Variants in DIAPH3 observed in about 807,000 individuals in gnomAD.
The protein encoded by DIAPH3 is protein diaphanous homolog 3.
In DIAPH3, 117 loss-of-function variants were observed where a neutral mutation model predicts 144.3. That is an observed-to-expected ratio of 0.81 (90% CI 0.70 to 0.95). The LOEUF (loss-of-function observed/expected upper bound fraction) is 0.95, where lower values mean the gene tolerates loss of function less well. Among genes scored for constraint, DIAPH3 ranks in the 40% least tolerant of loss-of-function variants. The pLI, the probability that DIAPH3 is intolerant of heterozygous loss-of-function variation, is 0.00. For missense variants in DIAPH3, 1,421 were observed against 1,412.7 expected (o/e 1.01, Z -0.09); for synonymous variants, 519 against 488.9 (o/e 1.06, Z -0.81).
At chr13:59,777,866 G>A (rs571775357) in intron 25 of DIAPH3, among the ~76,000 whole-genome samples, 6 of 152,226 alleles carry the variant, frequency 3.9e-5, no homozygotes, top group Admixed American at 6.5e-5. Flanking sequence ...AAAGAGGAAC[G>A]ACAATGAAGT....
intron 5 of DIAPH3, chr13:60,034,620 G>A (rs1296660368): frequency 6.6e-6 from 1 of 152,174 alleles, no homozygotes; most frequent in Non-Finnish European, 1.5e-5. Context: ...CCGTGCTCAG[G>A]AGGTCACCAT....
At position 59,936,577 on chromosome 13, in the gene DIAPH3, A is replaced by C. The variant is rs2048273343; in HGVS notation, c.2075-11707T>G. On this transcript the variant is annotated intron_variant, in intron 17 of 27. Coordinates refer to ENST00000400324, the MANE Select transcript of DIAPH3 (RefSeq NM_001042517.2). ...ATCTATCACATATATCTTAGTGTTAACTGGGTTCATTACAATTTGAGATGA... is the reference window on the plus strand; with the variant it reads ...ATCTATCACATATATCTTAGTGTTACCTGGGTTCATTACAATTTGAGATGA... Among the ~76,000 whole-genome samples the C allele has an allele frequency of 3.9e-5, 6 of 152,204 alleles. No homozygotes were observed. In the South Asian group the frequency reaches 1.2e-3, roughly 31 times the overall value.
At chr13:60,103,000 CAA>C (rs2058315822) in intron 3 of DIAPH3, among the ~76,000 whole-genome samples, 1 of 152,038 alleles carries the variant, frequency 6.6e-6, no homozygotes, top group Non-Finnish European at 1.5e-5. Flanking sequence ...AAGATATTCC[CAA>C]AGAGTCTTCC....
chr13:59,947,280 C>A (rs2048848455), intron 17 of DIAPH3, among the ~76,000 whole-genome samples: 1 of 152,230 alleles, frequency 6.6e-6, no homozygotes, highest in Non-Finnish European at 1.5e-5. Flanking sequence ...GTAAAAGAGT[C>A]ACATGTTCGT....
rs566092450 is a variant in DIAPH3, at chr13:59,774,834, A to G, written c.3164-11T>C. ...CTGTCTCATCACCCTCTGTGAAAAG[A>G]GATGCAGGGAATTCCATCAGCCCTC... On this transcript the variant is annotated splice_polypyrimidine_tract_variant and intron_variant, in intron 25 of 27. Coordinates refer to ENST00000400324, the MANE Select transcript of DIAPH3 (RefSeq NM_001042517.2). 7.8e-5 allele frequency: 126 copies of G among 1,609,796 alleles called. 2 individuals are homozygous for G. In the South Asian group the frequency reaches 1.4e-3, roughly 17 times the overall value.
chr13:59,697,182 G>A (rs577347261), intron 27 of DIAPH3, among the ~76,000 whole-genome samples: 1 of 151,546 alleles, frequency 6.6e-6, no homozygotes, highest in East Asian at 2.0e-4. Context: ...ATTCAGGGCC[G>A]GGCGCGGTGG....
At chr13:60,068,519 G>A (rs1365123287) in intron 4 of DIAPH3, among the ~76,000 whole-genome samples, 4 of 151,644 alleles carry the variant, frequency 2.6e-5, no homozygotes, top group Non-Finnish European at 5.9e-5. Context: ...TTTATTTTAG[G>A]TTCAAGGGAT....
intron 2 of DIAPH3, among the ~76,000 whole-genome samples, chr13:60,121,634 A>C (rs1291980428): frequency 1.3e-5 from 2 of 152,222 alleles, no homozygotes; most frequent in African/African-American, 4.8e-5. Context: ...CAAGGAGGAA[A>C]GAGAACATTC....
intron 5 of DIAPH3, among the ~76,000 whole-genome samples, chr13:60,041,869 CACCT>C (rs968239164): frequency 2.6e-5 from 4 of 152,000 alleles, no homozygotes; most frequent in Non-Finnish European, 5.9e-5. Flanking sequence ...CTTGTTTAGC[CACCT>C]ACCTAATTCA....
At chr13:60,087,540 C>T (rs963307365) in intron 4 of DIAPH3, among the ~76,000 whole-genome samples, 4 of 152,176 alleles carry the variant, frequency 2.6e-5, no homozygotes, top group Admixed American at 6.5e-5. Flanking sequence ...CTTTATGCCT[C>T]GTAAAGTTAT....
chr13:60,108,271 A>G (rs367692504), intron 3 of DIAPH3, among the ~76,000 whole-genome samples: 1 of 152,348 alleles, frequency 6.6e-6, no homozygotes, highest in East Asian at 1.9e-4. Flanking sequence ...AACTCAGCAC[A>G]TGTGAAGATA....
At position 59,666,101 on chromosome 13, in the gene DIAPH3, T is replaced by C. The variant is rs552476226; in HGVS notation, c.*483A>G. 3 of 156,118 alleles carry C rather than the reference T, an allele frequency of 1.9e-5. No individual in the cohort carries two copies. Among genetic ancestry groups the C allele is most frequent in the African/African-American group, 7.2e-5 (3 of 41,580 alleles). 9.7% of individuals were successfully genotyped at this position (156,118 alleles called of 1,614,324 possible). A position where few individuals can be genotyped will look rare whatever the true frequency, so the allele number is the denominator to read the frequency against. Reference sequence around the variant, plus strand: ...TTACATGTTTTTGATGTTGTGCTGGTAGTATATAGATCCCAATTAAGGAGA... The same window carrying C: ...TTACATGTTTTTGATGTTGTGCTGGCAGTATATAGATCCCAATTAAGGAGA... On this transcript the variant is annotated 3_prime_UTR_variant, in exon 28 of 28. Coordinates refer to ENST00000400324, the MANE Select transcript of DIAPH3 (RefSeq NM_001042517.2).
At chr13:59,698,841 A>C (rs894415627) in intron 27 of DIAPH3, among the ~76,000 whole-genome samples, 3 of 152,198 alleles carry the variant, frequency 2.0e-5, no homozygotes, top group Non-Finnish European at 1.5e-5. Context: ...TGCAGCTTAC[A>C]TGTGTTCACT....
intron 22 of DIAPH3, among the ~76,000 whole-genome samples, chr13:59,845,352 T>C (rs1011529326): frequency 6.6e-6 from 1 of 152,126 alleles, no homozygotes; most frequent in Non-Finnish European, 1.5e-5. Flanking sequence ...GACTTAACAC[T>C]TTTAAAGTCA....
chr13:59,770,274 G>A (rs2038058221), intron 27 of DIAPH3, among the ~76,000 whole-genome samples: 1 of 152,110 alleles, frequency 6.6e-6, no homozygotes, highest in African/African-American at 2.4e-5. Context: ...TCCTTAATAT[G>A]TATTAACAGT....
intron 4 of DIAPH3, among the ~76,000 whole-genome samples, chr13:60,065,639 A>G (rs890399596): frequency 6.6e-6 from 1 of 152,234 alleles, no homozygotes; most frequent in Non-Finnish European, 1.5e-5. Flanking sequence ...ACTTGGAGAC[A>G]TGACCCATGT....
At chr13:60,155,212 A>C (rs1216487033) in intron 1 of DIAPH3, among the ~76,000 whole-genome samples, 1 of 152,226 alleles carries the variant, frequency 6.6e-6, no homozygotes, top group Non-Finnish European at 1.5e-5. Context: ...TTCACCATGT[A>C]ATAAATGTAT....
chr13:59,939,876 C>G (rs2048442547), intron 17 of DIAPH3, among the ~76,000 whole-genome samples: 1 of 141,080 alleles, frequency 7.1e-6, no homozygotes, highest in South Asian at 2.2e-4. Flanking sequence ...GTGTGTATCA[C>G]TAAGGAATCC....
At chr13:60,130,092 TG>T (rs1218415147) in intron 2 of DIAPH3, among the ~76,000 whole-genome samples, 3 of 152,216 alleles carry the variant, frequency 2.0e-5, no homozygotes, top group Admixed American at 6.5e-5. Context: ...ATAATTGATT[TG>T]CCAAGGTAAC....
Sources: allele counts gnomAD v4.1 joint callset (sites outside exome capture counted in the v4.1 genomes callset), GRCh38; gene constraint gnomAD v4.1.1; transcripts MANE v1.5; gene names NCBI Gene and HGNC (gene_info 2026-07-23, HGNC 2026-07-21).